LAP3: variants seen among roughly 807,000 people sequenced by gnomAD.
The protein encoded by LAP3 is leucine aminopeptidase 3.
In LAP3, 46 loss-of-function variants were observed where a neutral mutation model predicts 58.8. The observed-to-expected ratio is 0.78, with a 90% CI of 0.62 to 1.00. The LOEUF is 1.00. LAP3 is among the 50% of genes least tolerant of loss of function. The pLI, the probability that LAP3 is intolerant of heterozygous loss-of-function variation, is 0.00. For synonymous variants in LAP3, 257 were observed against 237.7 expected (o/e 1.08, Z -0.75); for missense variants, 615 against 659.1 (o/e 0.93, Z 0.73).
chr4:17,577,254 G>T lies in LAP3; in HGVS notation c.-212G>T. On this transcript the variant is annotated 5_prime_UTR_variant, in exon 1 of 13. It introduces an in-frame stop codon into an upstream open reading frame of the 5' UTR. Coordinates refer to ENST00000226299, the MANE Select transcript of LAP3 (RefSeq NM_015907.3). ...CGCACACGAATGCGGGCGCACCCTT[G>T]AGTCCCCTCCACAACCGCGGTTTGA... The T allele has an allele frequency of 6.8e-6, 1 of 146,298 alleles. No homozygotes were observed. The highest frequency in any genetic ancestry group is 1.1e-5 in the Non-Finnish European group (1 of 88,374). 9.1% of individuals were successfully genotyped at this position (146,298 alleles called of 1,614,324 possible).
chr4:17,595,940 T>C (rs1263245861), intron 8 of LAP3, among the ~76,000 whole-genome samples: 1 of 152,072 alleles, frequency 6.6e-6, no homozygotes, highest in Admixed American at 6.5e-5. Flanking sequence ...GAAAAAGTGC[T>C]CATTATGTGG....
At chr4:17,590,817 G>A (rs780146640) in intron 7 of LAP3, among the ~76,000 whole-genome samples, 21 of 151,624 alleles carry the variant, frequency 1.4e-4, no homozygotes, top group East Asian at 5.8e-4. Flanking sequence ...TCATCTGCCC[G>A]CCTCGGTCTC....
rs543238788 is a variant in LAP3, at chr4:17,581,514, G to A, written c.219-246G>A. 5.9e-5 allele frequency among the ~76,000 whole-genome samples: 9 copies of A among 152,060 alleles called. No homozygotes were observed. The South Asian group carries it at 1.9e-3, about 32-fold the overall frequency. The stretch of plus-strand genomic sequence containing the variant: ...AGCACCTCGGGAGGCTGAGGTGGGA[G>A]GATTGCTTGAGCATAGGAGTTTGAG... On this transcript the variant is annotated intron_variant, in intron 2 of 12. Transcript: ENST00000226299.
intron 5 of LAP3, 173 bp from the exon 6 acceptor site, chr4:17,584,799 A>G (rs1304912925): frequency 1.0e-5 from 6 of 574,644 alleles, no homozygotes; most frequent in African/African-American, 7.5e-5. Flanking sequence ...GCACCATACC[A>G]TCTGCTGCCC....
chr4:17,601,208 A>G (rs542592851), intron 10 of LAP3, among the ~76,000 whole-genome samples: 4 of 152,224 alleles, frequency 2.6e-5, no homozygotes, highest in Non-Finnish European at 4.4e-5. Flanking sequence ...TGAGCATCAC[A>G]ACACAGGGCT....
Position 17,606,804 on chromosome 4 carries a change from TCCACCTGTCATACC to T in LAP3, c.1261-24_1261-11del, listed in dbSNP as rs1215405473. 1 of 1,535,728 alleles carries T rather than the reference TCCACCTGTCATACC, an allele frequency of 6.5e-7. No individual in the cohort carries two copies. The highest frequency in any genetic ancestry group is 8.9e-7 in the Non-Finnish European group (1 of 1,118,508). On this transcript the variant is annotated splice_polypyrimidine_tract_variant and intron_variant, in intron 11 of 12. Coordinates refer to ENST00000226299, the MANE Select transcript of LAP3 (RefSeq NM_015907.3). ...TCCCACAACCTGCCTCATCCACTCT[TCCACCTGTCATACC>T]TGTTCTCTAGGCCAGCATTGAAACA...
chr4:17,579,704 C>T (rs539966042), intron 1 of LAP3, 120 bp from the exon 2 acceptor site: 1 of 557,190 alleles, frequency 1.8e-6, no homozygotes, highest in Non-Finnish European at 3.1e-6. Context: ...TTTCTTCTGT[C>T]CATGGGGAGG....
At chr4:17,605,640 A>G (rs572125029) in intron 11 of LAP3, among the ~76,000 whole-genome samples, 2 of 152,148 alleles carry the variant, frequency 1.3e-5, no homozygotes, top group South Asian at 2.1e-4. Flanking sequence ...TCTCCTTCAT[A>G]TATGTCATCA....
chr4:17,587,533 A>G (rs1305855016), intron 6 of LAP3: 2 of 150,786 alleles, frequency 1.3e-5, no homozygotes, highest in African/African-American at 4.9e-5. Flanking sequence ...ATGCAGTCCT[A>G]GTTTAATCAT....
intron 10 of LAP3, among the ~76,000 whole-genome samples, chr4:17,598,938 A>G (rs1247183256): frequency 2.6e-5 from 4 of 151,898 alleles, no homozygotes; most frequent in Admixed American, 2.6e-4. Flanking sequence ...GGTTTTTGCC[A>G]TGTTAGCCAG....
rs1366005587 is a variant in LAP3, at chr4:17,598,542, T to C, written c.1164T>C (p.Asn388=). 1.9e-6 allele frequency: 3 copies of C among 1,613,768 alleles called. No individual in the cohort carries two copies. The highest frequency in any genetic ancestry group is 2.5e-6 in the Non-Finnish European group (3 of 1,179,632). The part of the protein sequence containing the change: ...AHTFNPKVIL[N]AATLTGAMDV... Reference sequence around the variant, plus strand: ...CGTTTAACCCGAAGGTCATCCTCAATGCCGCCACCTTAACAGGTCAGACCG... The same window carrying C: ...CGTTTAACCCGAAGGTCATCCTCAACGCCGCCACCTTAACAGGTCAGACCG... The change falls in exon 10 of 13, where the codon AAT becomes AAC. Residue 388 remains asparagine (N), a synonymous_variant. Coordinates refer to ENST00000226299, the MANE Select transcript of LAP3 (RefSeq NM_015907.3).
At chr4:17,604,777 G>T in intron 11 of LAP3, 110 bp downstream of exon 11, 1 of 821,160 alleles carries the variant, frequency 1.2e-6, no homozygotes, top group East Asian at 2.7e-5. Context: ...TATGCCGCAG[G>T]TTTGCCTTTG....
In LAP3 at chr4:17,577,200, ACACGAATGCG is replaced by A. The variant is rs1388271734; in HGVS notation, c.-265_-256del. 2.8e-5 allele frequency: 8 copies of A among 284,338 alleles called. 1 individual carries two copies. The African/African-American group carries it at 3.4e-4, about 12-fold the overall frequency. 17.6% of individuals were successfully genotyped at this position (284,338 alleles called of 1,614,324 possible). On this transcript the variant is annotated 5_prime_UTR_variant, in exon 1 of 13. It removes an upstream start codon present in the reference 5' UTR. Transcript: ENST00000226299. ...CGCCCCCGCCCGCATGCGCGGGCGC[ACACGAATGCG>A]GGCGCACACGAATGCGGGCGCACAC...
chr4:17,580,653 G>A (rs1211713143), intron 2 of LAP3, among the ~76,000 whole-genome samples: 3 of 152,060 alleles, frequency 2.0e-5, no homozygotes, highest in African/African-American at 7.2e-5. Context: ...AGGATCCCTA[G>A]GATAGTTAAT....
rs537488286 is a variant in LAP3 at position 17,577,501 on chromosome 4, A to C, written c.36A>C (p.Val12=). The change falls in exon 1 of 13, where the codon GTA becomes GTC. Residue 12 remains valine, a synonymous_variant. Transcript: ENST00000226299. ...FLLPLPAAGR[V]VVRRLAVRRF... is the part of the protein sequence containing the mutation. ...TGCCTCTTCCGGCTGCGGGGCGAGT[A>C]GTCGTCCGACGTCTGGCCGTGAGAC... 28 of 1,584,202 alleles carry C rather than the reference A, an allele frequency of 1.8e-5. 1 individual carries two copies. In the South Asian group the frequency reaches 2.3e-4, roughly 13 times the overall value.
intron 10 of LAP3, among the ~76,000 whole-genome samples, chr4:17,602,684 G>A (rs963839148): frequency 1.3e-5 from 2 of 151,990 alleles, no homozygotes; most frequent in Admixed American, 6.6e-5. Flanking sequence ...TTATAAAAGA[G>A]GAATAATTTT....
chr4:17,598,201 C>T (rs1713881840), intron 9 of LAP3, among the ~76,000 whole-genome samples: 3 of 152,208 alleles, frequency 2.0e-5, no homozygotes, highest in South Asian at 4.1e-4. Flanking sequence ...GTTTCACCAT[C>T]TTGCCTAGGC....
chr4:17,600,449 C>G (rs866238575), intron 10 of LAP3, among the ~76,000 whole-genome samples: 10 of 152,172 alleles, frequency 6.6e-5, no homozygotes, highest in South Asian at 2.1e-4. Context: ...GCGAGTACCC[C>G]CTTACTGTAA....
At chr4:17,596,844 G>C (rs1577223781) in intron 8 of LAP3, among the ~76,000 whole-genome samples, 1 of 152,226 alleles carries the variant, frequency 6.6e-6, no homozygotes, top group African/African-American at 2.4e-5. Flanking sequence ...GACTTCTTTG[G>C]GAAGAATGCT....
Sources: allele counts gnomAD v4.1 joint callset (sites outside exome capture counted in the v4.1 genomes callset), GRCh38; gene constraint gnomAD v4.1.1; transcripts MANE v1.5; gene names NCBI Gene and HGNC (gene_info 2026-07-23, HGNC 2026-07-21).